Variants in PTPRD observed in about 807,000 individuals in gnomAD.
The protein encoded by PTPRD is receptor-type tyrosine-protein phosphatase delta.
PTPRD carries 34 observed loss-of-function variants against 214.5 expected under a neutral mutation model. The ratio of observed to expected loss-of-function variants is 0.16; its 90% confidence interval spans 0.12 to 0.21. The LOEUF is 0.21. PTPRD is among the 10% of genes least tolerant of loss of function. The pLI is 1.00. For missense variants in PTPRD, 2,545 were observed against 2,398.7 expected (o/e 1.06, Z -1.27); for synonymous variants, 1,128 against 845.7 (o/e 1.33, Z -5.79).
intron 5 of PTPRD, among the ~76,000 whole-genome samples, chr9:9,770,192 C>T (rs757586842): frequency 4.6e-5 from 7 of 152,172 alleles, no homozygotes; most frequent in Non-Finnish European, 1.0e-4. Context: ...ACACTGTCTT[C>T]CACAATGGTT....
intron 9 of PTPRD, among the ~76,000 whole-genome samples, chr9:9,348,882 CTCT>C (rs1161911971): frequency 6.6e-6 from 1 of 152,084 alleles, no homozygotes; most frequent in Non-Finnish European, 1.5e-5. Context: ...TGTGCTGCTT[CTCT>C]TCTTCCAATT....
chr9:8,500,645 G>A (rs1554650872), intron 24 of PTPRD, 109 bp downstream of exon 24: 1 of 939,616 alleles, frequency 1.1e-6, no homozygotes, highest in Non-Finnish European at 1.5e-6. Context: ...TAACAGCAAT[G>A]CTGGGTAAAA....
chr9:10,156,661 G>A (rs944058313), intron 3 of PTPRD, among the ~76,000 whole-genome samples: 2 of 151,726 alleles, frequency 1.3e-5, no homozygotes, highest in African/African-American at 4.8e-5. Flanking sequence ...ATTTGTTTCA[G>A]TGCTGAGTTC....
At chr9:8,632,792 T>C (rs187627240) in intron 14 of PTPRD, among the ~76,000 whole-genome samples, 10 of 152,124 alleles carry the variant, frequency 6.6e-5, no homozygotes, top group African/African-American at 1.9e-4. Context: ...TCAATACATA[T>C]TGGTTTAAGA....
intron 7 of PTPRD, among the ~76,000 whole-genome samples, chr9:9,584,269 A>T (rs922085473): frequency 4.0e-5 from 6 of 151,630 alleles, no homozygotes; most frequent in Non-Finnish European, 8.8e-5. Flanking sequence ...AAATCTACCC[A>T]ATCTCATTTA....
At chr9:8,494,062 A>G (rs1003311935) in intron 26 of PTPRD, among the ~76,000 whole-genome samples, 20 of 152,004 alleles carry the variant, frequency 1.3e-4, no homozygotes, top group African/African-American at 4.1e-4. Flanking sequence ...ACCCTTTCAG[A>G]TTTTTGGCAC....
At chr9:9,213,372 C>G (rs2099950055) in intron 9 of PTPRD, among the ~76,000 whole-genome samples, 1 of 152,172 alleles carries the variant, frequency 6.6e-6, no homozygotes, top group Admixed American at 6.6e-5. Flanking sequence ...CGAAAGTTTA[C>G]ACAAAACACA....
At chr9:9,408,968 C>G (rs954864584) in intron 8 of PTPRD, among the ~76,000 whole-genome samples, 4 of 151,656 alleles carry the variant, frequency 2.6e-5, no homozygotes, top group African/African-American at 9.7e-5. Context: ...ATATTAAGGC[C>G]TTTTAAAAGA....
intron 10 of PTPRD, among the ~76,000 whole-genome samples, chr9:9,026,108 T>C (rs1428421987): frequency 7.2e-6 from 1 of 138,064 alleles, no homozygotes; most frequent in Non-Finnish European, 1.6e-5. Flanking sequence ...TGGGTAATGC[T>C]ACAGAGGATA....
intron 9 of PTPRD, among the ~76,000 whole-genome samples, chr9:9,397,025 G>A (rs1443568532): frequency 6.6e-6 from 1 of 152,006 alleles, no homozygotes; most frequent in Non-Finnish European, 1.5e-5. Flanking sequence ...GCTAAGGAAT[G>A]TAAATTCTTT....
intron 3 of PTPRD, among the ~76,000 whole-genome samples, chr9:10,334,277 T>C (rs1015427636): frequency 2.6e-5 from 4 of 151,752 alleles, no homozygotes; most frequent in Non-Finnish European, 4.4e-5. Flanking sequence ...CTTTATCACA[T>C]TGATAGAATA....
intron 6 of PTPRD, among the ~76,000 whole-genome samples, chr9:9,738,240 C>G (rs1422542201): frequency 6.6e-6 from 1 of 152,060 alleles, no homozygotes; most frequent in African/African-American, 2.4e-5. Flanking sequence ...TACCCTAAAA[C>G]TTAAAGTATG....
At chr9:8,804,761 T>A (rs10481625) in intron 11 of PTPRD, among the ~76,000 whole-genome samples, 17 of 151,914 alleles carry the variant, frequency 1.1e-4, no homozygotes, top group African/African-American at 3.9e-4. Context: ...CCTTTTAGTG[T>A]GCTGAAGAAA....
chr9:10,343,655 T>C (rs2096990846), intron 2 of PTPRD, among the ~76,000 whole-genome samples: 1 of 152,168 alleles, frequency 6.6e-6, no homozygotes, highest in Non-Finnish European at 1.5e-5. Flanking sequence ...CCTGACTTTT[T>C]AGTGATTGCC....
At chr9:10,159,048 T>G (rs1260364418) in intron 3 of PTPRD, among the ~76,000 whole-genome samples, 1 of 152,098 alleles carries the variant, frequency 6.6e-6, no homozygotes, top group Non-Finnish European at 1.5e-5. Context: ...TAGGAAGCCT[T>G]CTCACACTAA....
rs779664035 is a variant in PTPRD at position 8,486,065 on chromosome 9, G to C, written c.2752C>G (p.Pro918Ala). The change falls in exon 28 of 46, where the codon CCA becomes GCA. Residue 918 changes from proline to alanine, a missense_variant. Coordinates refer to ENST00000381196, the MANE Select transcript of PTPRD (RefSeq NM_002839.4). Reference sequence around the variant, plus strand: ...TGAAGGTTTTGAGGGAATCCAGTTGGTACTTCTTCTGGAATGGAAATCTCC... The same window carrying C: ...TGAAGGTTTTGAGGGAATCCAGTTGCTACTTCTTCTGGAATGGAAATCTCC... The part of the protein sequence containing the change: ...VKEISIPEEV[P>A]TGFPQNLHSE... 39 of 1,614,024 alleles carry C rather than the reference G, an allele frequency of 2.4e-5. No individual in the cohort carries two copies. The highest frequency in any genetic ancestry group is 3.1e-5 in the Non-Finnish European group (37 of 1,180,024).
At position 9,635,814 on chromosome 9, in the gene PTPRD, A is replaced by G. The variant is rs2095747999; in HGVS notation, c.-286-61033T>C. ...AAATCTTGTCAAGTTTTCCTTCTAA[A>G]TAAATGTCATATCAATCTACTTCTC... On this transcript the variant is annotated intron_variant, in intron 7 of 45. Coordinates refer to ENST00000381196, the MANE Select transcript of PTPRD (RefSeq NM_002839.4). Among the ~76,000 whole-genome samples, 3 of 152,122 alleles carry G rather than the reference A, an allele frequency of 2.0e-5. No homozygotes were observed. In the South Asian group the frequency reaches 6.2e-4, roughly 31 times the overall value.
chr9:10,067,039 T>C (rs1295982580), intron 3 of PTPRD, among the ~76,000 whole-genome samples: 2 of 151,786 alleles, frequency 1.3e-5, no homozygotes, highest in African/African-American at 4.8e-5. Flanking sequence ...AAAAGAAACT[T>C]GGGCATTTGG....
At chr9:10,083,423 C>G (rs1448532943) in intron 3 of PTPRD, among the ~76,000 whole-genome samples, 1 of 151,998 alleles carries the variant, frequency 6.6e-6, no homozygotes, top group Non-Finnish European at 1.5e-5. Flanking sequence ...ATACACAATG[C>G]TTGTTGTAAA....
Sources: allele counts gnomAD v4.1 joint callset (sites outside exome capture counted in the v4.1 genomes callset), GRCh38; gene constraint gnomAD v4.1.1; transcripts MANE v1.5; gene names NCBI Gene and HGNC (gene_info 2026-07-23, HGNC 2026-07-21).